Variants in DNER observed in about 807,000 individuals in gnomAD.
DNER encodes delta and Notch-like epidermal growth factor-related receptor.
In DNER, 33 loss-of-function variants were observed where a neutral mutation model predicts 78.2. That is an observed-to-expected ratio of 0.42 (90% confidence interval 0.32 to 0.56). DNER has a LOEUF of 0.56. Ranked by LOEUF, DNER falls within the 20% of genes least tolerant of loss-of-function variation. The pLI, the probability that DNER is intolerant of heterozygous loss-of-function variation, is 0.11. For synonymous variants in DNER, 417 were observed against 384.8 expected (o/e 1.08, Z -0.98); for missense variants, 918 against 975.3 (o/e 0.94, Z 0.78).
intron 10 of DNER, among the ~76,000 whole-genome samples, chr2:229,405,064 A>G (rs917857053): frequency 6.6e-6 from 1 of 152,214 alleles, no homozygotes; most frequent in African/African-American, 2.4e-5. Context: ...TTTCAAATAA[A>G]GAAGAGTAAA....
chr2:229,500,811 C>T (rs143223511), intron 6 of DNER, among the ~76,000 whole-genome samples: 262 of 152,234 alleles, frequency 1.7e-3, no homozygotes, highest in African/African-American at 5.6e-3. Context: ...AAGCAGTATA[C>T]ACTGTACCCA....
intron 1 of DNER, among the ~76,000 whole-genome samples, chr2:229,654,555 G>A (rs956006870): frequency 1.3e-5 from 2 of 152,158 alleles, no homozygotes; most frequent in Non-Finnish European, 2.9e-5. Context: ...CCATCCCAGA[G>A]GTTATGTTTT....
At chr2:229,644,843 C>G (rs1559193802) in intron 1 of DNER, among the ~76,000 whole-genome samples, 1 of 152,166 alleles carries the variant, frequency 6.6e-6, no homozygotes, top group Non-Finnish European at 1.5e-5. Context: ...AATCACAACA[C>G]TGCACAACCC....
intron 8 of DNER, among the ~76,000 whole-genome samples, chr2:229,444,470 A>G (rs1694299027): frequency 6.6e-6 from 1 of 152,224 alleles, no homozygotes; most frequent in Admixed American, 6.5e-5. Flanking sequence ...AAAGAGAAAC[A>G]TCAGGCAGTA....
chr2:229,686,604 G>A (rs1699486614), intron 1 of DNER, among the ~76,000 whole-genome samples: 1 of 152,120 alleles, frequency 6.6e-6, no homozygotes, highest in African/African-American at 2.4e-5. Flanking sequence ...GACCTATCTA[G>A]CAAGAAGCCC....
chr2:229,680,580 A>G (rs1414625129), intron 1 of DNER, among the ~76,000 whole-genome samples: 1 of 152,222 alleles, frequency 6.6e-6, no homozygotes, highest in Non-Finnish European at 1.5e-5. Flanking sequence ...GGAATGTCCA[A>G]TGGCAGGCTA....
intron 1 of DNER, among the ~76,000 whole-genome samples, chr2:229,593,717 G>A (rs1697652246): frequency 1.3e-5 from 2 of 152,160 alleles, no homozygotes; most frequent in East Asian, 1.9e-4. Flanking sequence ...TTTATTTTTA[G>A]GAAGGCCTTG....
chr2:229,644,015 T>C (rs1698670920), intron 1 of DNER, among the ~76,000 whole-genome samples: 1 of 152,164 alleles, frequency 6.6e-6, no homozygotes, highest in Admixed American at 6.5e-5. Flanking sequence ...AAATGCCTCA[T>C]TGGCTTGCAC....
At chr2:229,710,594 C>T (rs1280411037) in intron 1 of DNER, among the ~76,000 whole-genome samples, 1 of 152,166 alleles carries the variant, frequency 6.6e-6, no homozygotes, top group East Asian at 1.9e-4. Flanking sequence ...CCATCATCAT[C>T]ATCATTACAT....
At chr2:229,607,518 C>T (rs192640339) in intron 1 of DNER, among the ~76,000 whole-genome samples, 2 of 152,178 alleles carry the variant, frequency 1.3e-5, no homozygotes, top group African/African-American at 4.8e-5. Flanking sequence ...TGTTTTCTGA[C>T]TTATCAAATT....
chr2:229,500,765 A>ATTTAG (rs57274354), intron 6 of DNER, among the ~76,000 whole-genome samples: 18,925 of 152,120 alleles, frequency 0.12, 1,310 homozygotes, highest in South Asian at 0.2. Flanking sequence ...AGAGTAGGTT[A>ATTTAG]TGGCGATATG....
At chr2:229,492,187 G>C (rs1012992322) in intron 6 of DNER, among the ~76,000 whole-genome samples, 1 of 152,134 alleles carries the variant, frequency 6.6e-6, no homozygotes, top group Admixed American at 6.5e-5. Flanking sequence ...ATTATTGAAT[G>C]AATAAGCCTT....
intron 12 of DNER, among the ~76,000 whole-genome samples, chr2:229,365,570 A>G (rs949657361): frequency 2.2e-4 from 33 of 152,078 alleles, no homozygotes; most frequent in African/African-American, 8.0e-4. Flanking sequence ...CAGAGTAGCT[A>G]GGATTACAGG....
intron 6 of DNER, among the ~76,000 whole-genome samples, chr2:229,492,625 G>C (rs1372164397): frequency 9.2e-5 from 14 of 152,130 alleles, no homozygotes. Context: ...ACAGAGGTGA[G>C]TTCTGAGGTT....
intron 3 of DNER, among the ~76,000 whole-genome samples, chr2:229,587,778 C>A (rs1256727661): frequency 1.3e-5 from 2 of 152,122 alleles, no homozygotes; most frequent in Non-Finnish European, 2.9e-5. Context: ...TGCTCCTGGG[C>A]ACCTGCTGAC....
chr2:229,585,888 T>C lies in DNER; in HGVS notation c.817A>G (p.Met273Val). The C allele has an allele frequency of 6.2e-7, 1 of 1,613,882 alleles. No individual in the cohort carries two copies. The highest frequency in any genetic ancestry group is 1.1e-5 in the South Asian group (1 of 91,046). Residue 273 changes from methionine (M) to valine (V), a missense_variant, in exon 4 of 13, where the codon ATG becomes GTG. Coordinates refer to ENST00000341772, the MANE Select transcript of DNER (RefSeq NM_139072.4). ...ASGGLVLLEE[M>V]LALGNNHFIG... The stretch of plus-strand genomic sequence containing the variant: ...AAGTGATTATTCCCCAAGGCGAGCA[T>C]CTCCTCCAGGAGGACCAGTCCCCCT...
chr2:229,493,613 C>T (rs1373531475), intron 6 of DNER, among the ~76,000 whole-genome samples: 2 of 152,142 alleles, frequency 1.3e-5, no homozygotes. Context: ...AACTGAGCCC[C>T]TACCATACAC....
chr2:229,524,406 A>G (rs887955846), intron 5 of DNER, among the ~76,000 whole-genome samples: 1 of 152,226 alleles, frequency 6.6e-6, no homozygotes, highest in African/African-American at 2.4e-5. Flanking sequence ...TTAACTGTTG[A>G]AAGCTCTAAA....
chr2:229,660,699 A>G (rs547079504), intron 1 of DNER, among the ~76,000 whole-genome samples: 2 of 152,330 alleles, frequency 1.3e-5, no homozygotes, highest in African/African-American at 4.8e-5. Context: ...ATTCATGAAT[A>G]TATCTGAAGC....
Sources: gnomAD v4.1 joint callset for allele counts (sites outside exome capture counted in the v4.1 genomes callset) on GRCh38, gnomAD v4.1.1 for gene constraint, MANE v1.5 for transcripts, NCBI Gene and HGNC (gene_info 2026-07-23, HGNC 2026-07-21) for gene names.